Variants in AQR observed in about 807,000 individuals in gnomAD.
AQR encodes the protein aquarius intron-binding spliceosomal factor, also known as RNA helicase aquarius.
A neutral mutation model predicts 180.5 loss-of-function variants in AQR; 61 were observed. The observed-to-expected ratio is 0.34, with a 90% CI of 0.28 to 0.42. The LOEUF (loss-of-function observed/expected upper bound fraction) is 0.42. AQR is among the 10% of genes least tolerant of loss of function. The probability of loss-of-function intolerance (pLI) is 1.00; values close to 1 mark genes in which losing one functional copy is unlikely to be tolerated. For missense variants in AQR, 1,281 were observed against 1,798.3 expected, an observed-to-expected ratio of 0.71 and a Z score of 5.20; for synonymous variants, 551 against 588.8, an observed-to-expected ratio of 0.94 and a Z score of 0.93.
chr15:34,857,085 C>T lies in AQR; in HGVS notation c.4165G>A (p.Ala1389Thr), dbSNP rs1368897251. The T allele has an allele frequency of 6.4e-7, 1 of 1,572,438 alleles. No homozygotes were observed. Among genetic ancestry groups the T allele is most frequent in the Admixed American group, 1.9e-5 (1 of 52,094 alleles). Reference protein sequence around the residue: ...YHQTLLQLPPAMVEEGEEVQN... With the variant: ...YHQTLLQLPPTMVEEGEEVQN... ...ACTTCCTCACCCTCTTCTACCATAG[C>T]AGGTGGTAGTTGTAATAAAGTCTAA... is the stretch of plus-strand genomic sequence containing the variant. Residue 1389 changes from alanine (A) to threonine (T), a missense_variant, in exon 35 of 35, where the codon GCT (alanine) becomes ACT (threonine). This residue lies in a region of AQR where 182 missense variants were observed against 185.3 expected (regional missense o/e 0.98). Coordinates refer to ENST00000156471, the MANE Select transcript of AQR (RefSeq NM_014691.3).
intron 6 of AQR, chr15:34,943,291 G>A: frequency 2.6e-6 from 4 of 1,564,446 alleles, no homozygotes; most frequent in Non-Finnish European, 3.5e-6. Context: ...AGGCTTGAGT[G>A]CATTGAGCCC....
intron 32 of AQR, among the ~76,000 whole-genome samples, chr15:34,864,858 CA>C (rs1892720225): frequency 1.3e-5 from 2 of 152,208 alleles, no homozygotes; most frequent in South Asian, 4.1e-4. Context: ...TCTGCAGATT[CA>C]AATGTAGGTA....
intron 22 of AQR, 72 bp downstream of exon 22, chr15:34,896,825 G>A (rs1433627385): frequency 7.2e-6 from 10 of 1,380,144 alleles, no homozygotes; most frequent in South Asian, 1.2e-5. Flanking sequence ...CTCCGGCATG[G>A]GCAACAAAAG....
chr15:34,911,565 A>G (rs1184080004), intron 16 of AQR, among the ~76,000 whole-genome samples: 2 of 152,114 alleles, frequency 1.3e-5, no homozygotes, highest in South Asian at 2.1e-4. Context: ...ACACCTTTTC[A>G]TCTATCTGTC....
In AQR at chr15:34,874,901, A is replaced by T. The variant is rs775339056; in HGVS notation, c.3238-37T>A. 30 of 1,576,114 alleles carry T rather than the reference A, an allele frequency of 1.9e-5. No individual in the cohort carries two copies. The South Asian group carries it at 3.3e-4, about 17-fold the overall frequency. The stretch of plus-strand genomic sequence containing the variant: ...AAGTAAGGAAATGGCAAAATACTCT[A>T]TTATCCTCTTGTCTCCAATTTATTA... On this transcript the variant is annotated intron_variant, in intron 28 of 34. Transcript: ENST00000156471.
intron 9 of AQR, 34 bp from the exon 10 acceptor site, chr15:34,934,669 CT>C: frequency 7.0e-7 from 1 of 1,431,156 alleles, no homozygotes; most frequent in Non-Finnish European, 9.4e-7. Flanking sequence ...ATAGAATTTC[CT>C]TACTAGGCCA....
intron 9 of AQR, among the ~76,000 whole-genome samples, chr15:34,938,491 C>A (rs574872431): frequency 1.4e-3 from 219 of 152,186 alleles, no homozygotes; most frequent in Admixed American, 2.7e-3. Context: ...CGAGATCATG[C>A]CACTGCACTC....
At chr15:34,968,659 G>A (rs1324655198) in intron 1 of AQR, among the ~76,000 whole-genome samples, 1 of 152,134 alleles carries the variant, frequency 6.6e-6, no homozygotes, top group African/African-American at 2.4e-5. Context: ...CAGAGCAAGA[G>A]GAAGGACAAT....
intron 5 of AQR, among the ~76,000 whole-genome samples, chr15:34,947,444 C>T (rs1342402257): frequency 1.4e-5 from 2 of 147,668 alleles, no homozygotes; most frequent in Non-Finnish European, 3.0e-5. Flanking sequence ...CTGACCTTCC[C>T]TCCACTATTG....
At chr15:34,946,764 G>A (rs1171734177) in intron 5 of AQR, among the ~76,000 whole-genome samples, 9 of 149,018 alleles carry the variant, frequency 6.0e-5, no homozygotes, top group African/African-American at 1.7e-4. Flanking sequence ...GAGGTGGGGG[G>A]GTCAGCCCCC....
At chr15:34,874,547 G>T in intron 29 of AQR, 130 bp downstream of exon 29, 1 of 1,076,612 alleles carries the variant, frequency 9.3e-7, no homozygotes, top group Non-Finnish European at 1.3e-6. Context: ...AAGTGCTTTT[G>T]GATTTATGGA....
chr15:34,961,612 CAAAAAAAAA>C (rs1178777471), intron 2 of AQR, among the ~76,000 whole-genome samples: 2 of 26,860 alleles, frequency 7.4e-5, no homozygotes, highest in African/African-American at 1.6e-4. Context: ...GACTCCATCT[CAAAAAAAAA>C]AAAAAAAAAA....
chr15:34,915,879 G>A (rs1181892034), intron 15 of AQR, among the ~76,000 whole-genome samples: 1 of 151,858 alleles, frequency 6.6e-6, no homozygotes, highest in African/African-American at 2.4e-5. Flanking sequence ...CCGGGAGGCA[G>A]AGGTTGCAGG....
chr15:34,946,397 CCGCCCGGCCAGCCGCCCCG>C (rs1894113997), intron 5 of AQR, among the ~76,000 whole-genome samples: 2 of 151,194 alleles, frequency 1.3e-5, no homozygotes, highest in African/African-American at 4.9e-5. Flanking sequence ...GGTCAGCCCC[CCGCCCGGCCAGCCGCCCCG>C]TCCGGGAGGG....
intron 16 of AQR, among the ~76,000 whole-genome samples, chr15:34,912,172 T>C (rs1411247359): frequency 1.3e-5 from 2 of 152,202 alleles, no homozygotes; most frequent in African/African-American, 4.8e-5. Context: ...TTGACCACTG[T>C]AGCTTTGTAA....
At chr15:34,936,758 T>C (rs1230297868) in intron 9 of AQR, among the ~76,000 whole-genome samples, 1 of 151,494 alleles carries the variant, frequency 6.6e-6, no homozygotes, top group Non-Finnish European at 1.5e-5. Context: ...ATATAAACAA[T>C]AGCGGCAACA....
chr15:34,870,115 T>C (rs980511610), intron 31 of AQR: 1 of 152,102 alleles, frequency 6.6e-6, no homozygotes, highest in African/African-American at 2.4e-5. Context: ...CTTCTGCTAC[T>C]GCACAGATAG....
chr15:34,916,519 C>T (rs1893590607), intron 15 of AQR, among the ~76,000 whole-genome samples: 1 of 151,796 alleles, frequency 6.6e-6, no homozygotes, highest in African/African-American at 2.4e-5. Context: ...TAAACTCTGA[C>T]TTGTAATCTA....
chr15:34,956,078 T>C (rs1271956680), intron 3 of AQR, among the ~76,000 whole-genome samples: 1 of 152,132 alleles, frequency 6.6e-6, no homozygotes, highest in Non-Finnish European at 1.5e-5. Context: ...ACACCGACAA[T>C]GTTCGTGGAG....
Sources: gnomAD v4.1 joint callset for allele counts (sites outside exome capture counted in the v4.1 genomes callset) on GRCh38, gnomAD v4.1.1 for gene constraint, gnomAD v4.1.1 regional missense constraint, MANE v1.5 for transcripts, NCBI Gene and HGNC (gene_info 2026-07-23, HGNC 2026-07-21) for gene names.